MID1: variants seen among roughly 807,000 people sequenced by gnomAD.
The protein encoded by MID1 is E3 ubiquitin-protein ligase Midline-1.
A neutral mutation model predicts 40.4 loss-of-function variants in MID1; 7 were observed. That is an observed-to-expected ratio of 0.17 (90% confidence interval 0.10 to 0.33). MID1 has a LOEUF of 0.33. MID1 is among the 10% of genes least tolerant of loss of function. MID1 has a pLI of 1.00. For missense variants in MID1, 367 were observed against 558.5 expected, an observed-to-expected ratio of 0.66 and a Z score of 3.46; for synonymous variants, 229 against 221.2, an observed-to-expected ratio of 1.04 and a Z score of -0.31.
At chrX:10,500,128 T>C (rs1164924629) in intron 3 of MID1, among the ~76,000 whole-genome samples, 2 of 112,315 alleles carry the variant, frequency 1.8e-5, no homozygotes, top group South Asian at 3.7e-4. Flanking sequence ...CTCACAATCA[T>C]TGGGAGTTGA....
intron 1 of MID1, among the ~76,000 whole-genome samples, chrX:10,771,868 A>C (rs780892130): frequency 9.1e-6 from 1 of 110,290 alleles, no homozygotes; most frequent in South Asian, 3.9e-4. Context: ...CAATCCAAAA[A>C]TTTTAAAACT....
At chrX:10,681,722 G>C (rs1046193079) in intron 1 of MID1, among the ~76,000 whole-genome samples, 6 of 111,663 alleles carry the variant, frequency 5.4e-5, no homozygotes. Context: ...GGTTCAGAAA[G>C]TATGCGGGGG....
chrX:10,671,751 G>A (rs1436335773), intron 1 of MID1, among the ~76,000 whole-genome samples: 1 of 110,842 alleles, frequency 9.0e-6, no homozygotes, highest in Non-Finnish European at 1.9e-5. Context: ...TCATGTTCTC[G>A]ACCTCTCTCT....
chrX:10,656,043 A>G (rs1410332256), intron 1 of MID1, among the ~76,000 whole-genome samples: 1 of 112,362 alleles, frequency 8.9e-6, no homozygotes, highest in Non-Finnish European at 1.9e-5. Context: ...GCGCTGGATA[A>G]CTGATACACT....
intron 1 of MID1, among the ~76,000 whole-genome samples, chrX:10,770,734 TTTA>T (rs1466917844): frequency 8.9e-6 from 1 of 111,960 alleles, no homozygotes; most frequent in Non-Finnish European, 1.9e-5. Flanking sequence ...AATTCTTCAT[TTTA>T]TTATAATTAG....
chrX:10,538,145 G>A (rs529063767), intron 2 of MID1, among the ~76,000 whole-genome samples: 1 of 110,636 alleles, frequency 9.0e-6, no homozygotes, highest in South Asian at 3.9e-4. Context: ...TCTGATTTTT[G>A]CATTTTTGGT....
intron 1 of MID1, among the ~76,000 whole-genome samples, chrX:10,650,071 A>T (rs754618556): frequency 6.0e-4 from 67 of 111,514 alleles, no homozygotes; most frequent in Non-Finnish European, 1.0e-3. Flanking sequence ...CAGGAGACAT[A>T]TAACTCCTGT....
intron 3 of MID1, among the ~76,000 whole-genome samples, chrX:10,521,875 T>C (rs772946243): frequency 8.9e-6 from 1 of 112,504 alleles, no homozygotes; most frequent in Non-Finnish European, 1.9e-5. Context: ...GGTCTCACTC[T>C]GTCGCCTAGG....
upstream of MID1, among the ~76,000 whole-genome samples, chrX:10,624,488 C>G (rs764075617): frequency 8.9e-6 from 1 of 112,168 alleles, no homozygotes; most frequent in East Asian, 2.8e-4. Context: ...AATATTTTAA[C>G]AGCATCTAGT....
intron 1 of MID1, among the ~76,000 whole-genome samples, chrX:10,754,633 T>C (rs1490417380): frequency 1.8e-5 from 2 of 110,978 alleles, no homozygotes; most frequent in African/African-American, 6.6e-5. Flanking sequence ...CTTTATCTTG[T>C]TTTCATTTCC....
At chrX:10,505,808 T>C (rs773713783) in intron 3 of MID1, 24 of 751,636 alleles carry the variant, frequency 3.2e-5, no homozygotes, top group Middle Eastern at 7.5e-4. Flanking sequence ...TCTCATTAAG[T>C]GACATTCCTT....
At chrX:10,797,070 C>T (rs2043972496) in intron 1 of MID1, among the ~76,000 whole-genome samples, 1 of 108,764 alleles carries the variant, frequency 9.2e-6, no homozygotes, top group Non-Finnish European at 1.9e-5. Context: ...AACAAAGATA[C>T]ATCTATCAAC....
intron 3 of MID1, among the ~76,000 whole-genome samples, chrX:10,510,571 G>A (rs766435974): frequency 2.4e-4 from 27 of 111,138 alleles, no homozygotes; most frequent in African/African-American, 8.2e-4. Flanking sequence ...GGTGGCTCAC[G>A]CCTGTAATCC....
chrX:10,632,497 T>C (rs1223970241), intron 1 of MID1, among the ~76,000 whole-genome samples: 3 of 111,408 alleles, frequency 2.7e-5, no homozygotes, highest in Admixed American at 1.9e-4. Context: ...TTAGGGAATT[T>C]TGATGAGTAG....
intron 3 of MID1, among the ~76,000 whole-genome samples, chrX:10,511,459 T>G (rs1322439690): frequency 1.8e-5 from 2 of 111,575 alleles, no homozygotes; most frequent in African/African-American, 6.5e-5. Flanking sequence ...TAGATCACTG[T>G]AATCTCCAAC....
intron 1 of MID1, among the ~76,000 whole-genome samples, chrX:10,592,965 T>C (rs942623173): frequency 4.0e-4 from 45 of 112,310 alleles, no homozygotes; most frequent in African/African-American, 1.1e-3. Flanking sequence ...AAAGACCTTT[T>C]TTCATTTGAT....
intron 1 of MID1, among the ~76,000 whole-genome samples, chrX:10,603,502 T>C (rs1475153294): frequency 8.9e-6 from 1 of 112,033 alleles, no homozygotes; most frequent in African/African-American, 3.2e-5. Context: ...GTCTCTCTTA[T>C]GAACAGTTCT....
At position 10,567,397 on chromosome X, in the gene MID1, T is replaced by G; in HGVS notation, c.151A>C (p.Ile51Leu). 8.3e-7 allele frequency: 1 copy of G among 1,205,885 alleles called. No homozygotes were observed. Among genetic ancestry groups the G allele is most frequent in the Non-Finnish European group, 1.1e-6 (1 of 891,554 alleles). ...CAGGTGGGGCACTGGAAGGCGGTGATGGACTCCACAGACTCGTTGGTGGCA... is the reference window on the plus strand; with the variant it reads ...CAGGTGGGGCACTGGAAGGCGGTGAGGGACTCCACAGACTCGTTGGTGGCA... Reference protein sequence around the residue: ...HCATNESVESITAFQCPTCRH... With the variant: ...HCATNESVESLTAFQCPTCRH... Residue 51 changes from isoleucine (I) to leucine (L), a missense_variant, in exon 2 of 10, where the codon ATC becomes CTC. Around this residue, in one of 3 missense-constraint regions of MID1, gnomAD observed 78 missense variants for 112.6 expected, o/e 0.69. Coordinates refer to ENST00000317552, the MANE Select transcript of MID1 (RefSeq NM_000381.4).
chrX:10,762,053 A>G (rs977246082), intron 1 of MID1, among the ~76,000 whole-genome samples: 12 of 112,033 alleles, frequency 1.1e-4, no homozygotes, highest in Non-Finnish European at 2.1e-4. Context: ...GCACATCTGT[A>G]AAACAATAAT....
Sources: gnomAD v4.1 joint callset for allele counts (sites outside exome capture counted in the v4.1 genomes callset) on GRCh38, gnomAD v4.1.1 for gene constraint, gnomAD v4.1.1 regional missense constraint, MANE v1.5 for transcripts, NCBI Gene and HGNC (gene_info 2026-07-23, HGNC 2026-07-21) for gene names.